The following OR4D1 variants were observed in gnomAD, a reference collection of about 807,000 sequenced individuals.
The protein encoded by OR4D1 is olfactory receptor 4D1.
In OR4D1, 10 loss-of-function variants were observed where a neutral mutation model predicts 14.2. The ratio of observed to expected loss-of-function variants is 0.71; its 90% CI spans 0.44 to 1.20. The LOEUF (loss-of-function observed/expected upper bound fraction) is 1.20. Among genes scored for constraint, OR4D1 ranks in the 50% most tolerant of loss-of-function variants. OR4D1 has a pLI of 0.00. For missense variants in OR4D1, 345 were observed against 376.6 expected, an observed-to-expected ratio of 0.92 and a Z score of 0.70; for synonymous variants, 141 against 147.4, an observed-to-expected ratio of 0.96 and a Z score of 0.32.
chr17:58,155,744 C>G lies in OR4D1; in HGVS notation c.591C>G (p.Phe197Leu). 1 of 1,614,138 alleles carries G rather than the reference C, an allele frequency of 6.2e-7. No homozygotes were observed. Among genetic ancestry groups the G allele is most frequent in the Non-Finnish European group, 8.5e-7 (1 of 1,180,006 alleles). Residue 197 changes from phenylalanine (F) to leucine (L), a missense_variant, in exon 4 of 4, where the codon TTC (phenylalanine) becomes TTG (leucine). Coordinates refer to ENST00000268912, the MANE Select transcript of OR4D1 (RefSeq NM_001386095.1). ...GCACTGATACCTCCCTCCTGGAGTTCCTCATGATCTCCAACAGTGGGCTGC... is the reference window on the plus strand; with the variant it reads ...GCACTGATACCTCCCTCCTGGAGTTGCTCATGATCTCCAACAGTGGGCTGC... ...LACTDTSLLEFLMISNSGLLV... is the reference protein window; with the variant it reads ...LACTDTSLLELLMISNSGLLV...
At position 58,155,989 on chromosome 17, in the gene OR4D1, CCCCCATGCTCAA is replaced by C; in HGVS notation, c.844_855del (p.Leu282_Met285del). ...GTGTCCATCAGCTACACAGTCATGA[CCCCCATGCTCAA>C]CCCCATGATCTACACCCTGAGAAAC... On this transcript the variant is annotated inframe_deletion, in exon 4 of 4. Transcript: ENST00000268912. 1 of 1,454,990 alleles carries C rather than the reference CCCCCATGCTCAA, an allele frequency of 6.9e-7. No individual in the cohort carries two copies. The highest frequency in any genetic ancestry group is 9.1e-7 in the Non-Finnish European group (1 of 1,096,616). 90.1% of individuals were successfully genotyped at this position (1,454,990 alleles called of 1,614,324 possible).
intron 2 of OR4D1, among the ~76,000 whole-genome samples, chr17:58,153,519 C>G (rs1031080096): frequency 6.6e-6 from 1 of 152,152 alleles, no homozygotes. Context: ...TTGAGATAAT[C>G]CTGTTACATT....
Position 58,158,274 on chromosome 17 carries a change from T to C in OR4D1, c.*2188T>C, listed in dbSNP as rs1967803397. On this transcript the variant is annotated 3_prime_UTR_variant, in exon 4 of 4. Coordinates refer to ENST00000268912, the MANE Select transcript of OR4D1 (RefSeq NM_001386095.1). ...AAAGTCAATGATTTTGATGGGATGATTGACTTCTGCTTATGGAAAACAAAT... is the reference window on the plus strand; with the variant it reads ...AAAGTCAATGATTTTGATGGGATGACTGACTTCTGCTTATGGAAAACAAAT... 6.6e-6 allele frequency: 1 copy of C among 152,222 alleles called. No individual in the cohort carries two copies. The highest frequency in any genetic ancestry group is 1.5e-5 in the Non-Finnish European group (1 of 68,084). 9.4% of individuals were successfully genotyped at this position (152,222 alleles called of 1,614,324 possible). A position where few individuals can be genotyped will look rare whatever the true frequency, so the allele number is the denominator to read the frequency against.
At position 58,159,327 on chromosome 17, in the gene OR4D1, T is replaced by C. The variant is rs1967821267; in HGVS notation, c.*3241T>C. 6.6e-6 allele frequency: 1 copy of C among 152,240 alleles called. No individual in the cohort carries two copies. The allele number at this position is 152,240 out of a possible 1,614,324, so 9.4% of individuals were successfully genotyped here. A position where few individuals can be genotyped will look rare whatever the true frequency, so the allele number is the denominator to read the frequency against. On this transcript the variant is annotated 3_prime_UTR_variant, in exon 4 of 4. Transcript: ENST00000268912. ...AAGAGGCGAAGCCTTTAAGAGGTGA[T>C]TAGGCCATGAGGATTCCTCCCTTAT...
chr17:58,153,350 T>C (rs1194610277), intron 2 of OR4D1, among the ~76,000 whole-genome samples: 1 of 152,202 alleles, frequency 6.6e-6, no homozygotes, highest in Admixed American at 6.5e-5. Context: ...TATGGGGACA[T>C]TTTTCAAACA....
chr17:58,155,782 G>C lies in OR4D1; in HGVS notation c.629G>C (p.Trp210Ser), dbSNP rs1011537573. 1 of 1,613,994 alleles carries C rather than the reference G, an allele frequency of 6.2e-7. No homozygotes were observed. The highest frequency in any genetic ancestry group is 1.3e-5 in the African/African-American group (1 of 74,880). ...ISNSGLLVII[W>S]FLLLLISYTV... is the part of the protein sequence containing the mutation. Reference sequence around the variant, plus strand: ...AACAGTGGGCTGCTAGTTATCATCTGGTTCCTCCTCCTTCTGATCTCTTAT... The same window carrying C: ...AACAGTGGGCTGCTAGTTATCATCTCGTTCCTCCTCCTTCTGATCTCTTAT... The change falls in exon 4 of 4, where the codon TGG (tryptophan) becomes TCG (serine). Residue 210 changes from tryptophan to serine, a missense_variant. Physicochemically the swap from Trp to Ser is radical, Grantham distance 177. Transcript: ENST00000268912.
At position 58,157,259 on chromosome 17, in the gene OR4D1, G is replaced by A; in HGVS notation, c.*1173G>A. 7 of 1,471,882 alleles carry A rather than the reference G, an allele frequency of 4.8e-6. No homozygotes were observed. The highest frequency in any genetic ancestry group is 5.4e-6 in the Non-Finnish European group (6 of 1,114,160). 91.2% of individuals were successfully genotyped at this position (1,471,882 alleles called of 1,614,324 possible). A position where few individuals can be genotyped will look rare whatever the true frequency, so the allele number is the denominator to read the frequency against. On this transcript the variant is annotated 3_prime_UTR_variant, in exon 4 of 4. Transcript: ENST00000268912. ...TGCTGCTGCCGGGGCACGGCGCTCGGGAAGCGCACAGCCCCGGGCCGCTGA... is the reference window on the plus strand; with the variant it reads ...TGCTGCTGCCGGGGCACGGCGCTCGAGAAGCGCACAGCCCCGGGCCGCTGA...
chr17:58,150,960 T>G (rs1480581488), intron 2 of OR4D1, among the ~76,000 whole-genome samples: 2 of 152,156 alleles, frequency 1.3e-5, no homozygotes, highest in African/African-American at 4.8e-5. Context: ...TCTTTTGCTT[T>G]TTTTGATTAA....
intron 2 of OR4D1, among the ~76,000 whole-genome samples, chr17:58,150,094 A>G (rs1967681344): frequency 6.6e-6 from 1 of 152,228 alleles, no homozygotes; most frequent in African/African-American, 2.4e-5. Flanking sequence ...TATTACAACA[A>G]TAAATGCTTA....
chr17:58,154,992 T>A, intron 3 of OR4D1, 143 bp from the exon 4 acceptor site: 1 of 621,100 alleles, frequency 1.6e-6, no homozygotes, highest in Non-Finnish European at 2.8e-6. Context: ...TGGAACTTCC[T>A]CCCCGTGGAG....
chr17:58,154,632 T>G (rs567095287), intron 3 of OR4D1, among the ~76,000 whole-genome samples: 192 of 152,342 alleles, frequency 1.3e-3, no homozygotes, highest in Non-Finnish European at 1.3e-3. Context: ...CCTCTCTTTC[T>G]CCAGCAATAA....
chr17:58,154,426 A>T (rs1567779213), intron 3 of OR4D1, among the ~76,000 whole-genome samples: 1 of 152,180 alleles, frequency 6.6e-6, no homozygotes, highest in Non-Finnish European at 1.5e-5. Flanking sequence ...GTTCAAGGAG[A>T]TAGTGCATTT....
rs190949808 is a variant in OR4D1 at position 58,158,632 on chromosome 17, A to T, written c.*2546A>T. 16 of 152,208 alleles carry T rather than the reference A, an allele frequency of 1.1e-4. No individual in the cohort carries two copies. The highest frequency in any genetic ancestry group is 1.0e-3 in the Admixed American group (16 of 15,280). The allele number at this position is 152,208 out of a possible 1,614,324, so 9.4% of individuals were successfully genotyped here. ...TCATTTCAGATAATTGGAGAGTAAAAAGTTAAAGCCTGTTGGGAGGAGTTG... is the reference window on the plus strand; with the variant it reads ...TCATTTCAGATAATTGGAGAGTAAATAGTTAAAGCCTGTTGGGAGGAGTTG... On this transcript the variant is annotated 3_prime_UTR_variant, in exon 4 of 4. Coordinates refer to ENST00000268912, the MANE Select transcript of OR4D1 (RefSeq NM_001386095.1).
At position 58,149,625 on chromosome 17, in the gene OR4D1, A is replaced by G. The variant is rs947325371; in HGVS notation, c.-298A>G. The G allele has an allele frequency of 6.6e-6, 1 of 152,254 alleles. No homozygotes were observed. The highest frequency in any genetic ancestry group is 1.5e-5 in the Non-Finnish European group (1 of 68,044). The allele number at this position is 152,254 out of a possible 1,614,324, so 9.4% of individuals were successfully genotyped here. Reference sequence around the variant, plus strand: ...TGAAAAAATACCAAGGCATAGCAACATTATGGAAGAGCTAATTACTCTTGA... The same window carrying G: ...TGAAAAAATACCAAGGCATAGCAACGTTATGGAAGAGCTAATTACTCTTGA... On this transcript the variant is annotated 5_prime_UTR_variant, in exon 2 of 4. Transcript: ENST00000268912.
Position 58,159,056 on chromosome 17 carries a change from A to C in OR4D1, c.*2970A>C, listed in dbSNP as rs756152763. On this transcript the variant is annotated 3_prime_UTR_variant, in exon 4 of 4. Coordinates refer to ENST00000268912, the MANE Select transcript of OR4D1 (RefSeq NM_001386095.1). Reference sequence around the variant, plus strand: ...TTGTACAATTGTATATATTTTATTGAAGAGTTATTATATCTTATTCTGAAT... The same window carrying C: ...TTGTACAATTGTATATATTTTATTGCAGAGTTATTATATCTTATTCTGAAT... The C allele has an allele frequency of 3.3e-5, 5 of 152,130 alleles. No homozygotes were observed. Among genetic ancestry groups the C allele is most frequent in the Non-Finnish European group, 5.9e-5 (4 of 68,024 alleles). 9.4% of individuals were successfully genotyped at this position (152,130 alleles called of 1,614,324 possible).
rs200558182 is a variant in OR4D1 at position 58,155,949 on chromosome 17, C to G, written c.796C>G (p.Leu266Val). Residue 266 changes from leucine to valine, a missense_variant, in exon 4 of 4, where the codon CTC becomes GTC. Physicochemically the swap from Leu to Val is conservative, Grantham distance 32 (BLOSUM62 1). Coordinates refer to ENST00000268912, the MANE Select transcript of OR4D1 (RefSeq NM_001386095.1). ...CTATACCTGGCCCTTCACCCCATTC[C>G]TCATGGACAAGGCTGTGTCCATCAG... ...YIYTWPFTPF[L>V]MDKAVSISYT... 6.2e-7 allele frequency: 1 copy of G among 1,614,112 alleles called. No homozygotes were observed. Among genetic ancestry groups the G allele is most frequent in the South Asian group, 1.1e-5 (1 of 91,080 alleles).
chr17:58,155,595 G>T lies in OR4D1; in HGVS notation c.442G>T (p.Ala148Ser). The T allele has an allele frequency of 6.2e-7, 1 of 1,614,108 alleles. No homozygotes were observed. Reference sequence around the variant, plus strand: ...ATTGTGTGTGGGCCTGGTAGTAGCCGCCTGGGTGGGGGGCTTTGTCCACTC... The same window carrying T: ...ATTGTGTGTGGGCCTGGTAGTAGCCTCCTGGGTGGGGGGCTTTGTCCACTC... ...TQLCVGLVVA[A>S]WVGGFVHSIV... Residue 148 changes from alanine (A) to serine (S), a missense_variant, in exon 4 of 4, where the codon GCC becomes TCC. By Grantham distance (99) the Ala-to-Ser change is moderately conservative (BLOSUM62 1). Coordinates refer to ENST00000268912, the MANE Select transcript of OR4D1 (RefSeq NM_001386095.1).
rs1332712612 is a variant in OR4D1 at position 58,156,074 on chromosome 17, T to C, written c.921T>C (p.Ile307=). The C allele has an allele frequency of 4.4e-6, 7 of 1,597,628 alleles. No individual in the cohort carries two copies. In the Middle Eastern group the frequency reaches 6.7e-4, roughly 152 times the overall value. ...GGAGATTAGGCAAGTGCCTAGTAAT[T>C]TGCAGGGAGTAAACTTTAAGTAAGT... ...AMRRLGKCLV[I]CRE is the part of the protein sequence containing the mutation. Residue 307 remains isoleucine, a synonymous_variant, in exon 4 of 4, where the codon ATT becomes ATC. Coordinates refer to ENST00000268912, the MANE Select transcript of OR4D1 (RefSeq NM_001386095.1).
chr17:58,153,185 C>T (rs1314214051), intron 2 of OR4D1, among the ~76,000 whole-genome samples: 1 of 152,108 alleles, frequency 6.6e-6, no homozygotes, highest in African/African-American at 2.4e-5. Flanking sequence ...AATGTGTTAC[C>T]CTCTGTTGTG....
Sources: gnomAD v4.1 joint callset for allele counts (sites outside exome capture counted in the v4.1 genomes callset) on GRCh38, gnomAD v4.1.1 for gene constraint, MANE v1.5 for transcripts, NCBI Gene and HGNC (gene_info 2026-07-23, HGNC 2026-07-21) for gene names.